Variants in MED10 observed in about 807,000 individuals in gnomAD.
MED10 encodes mediator of RNA polymerase II transcription subunit 10.
In MED10, 9 loss-of-function variants were observed where a neutral mutation model predicts 17.2. The observed-to-expected ratio is 0.52, with a 90% confidence interval of 0.31 to 0.91. MED10 has a LOEUF of 0.91. MED10 is among the 40% of genes least tolerant of loss of function. The pLI is 0.04. For missense variants in MED10, 129 were observed against 164.8 expected (o/e 0.78, Z 1.19); for synonymous variants, 66 against 59.8 (o/e 1.10, Z -0.48).
At chr5:6,377,105 G>T in intron 2 of MED10, 61 bp downstream of exon 2, 2 of 1,171,944 alleles carry the variant, frequency 1.7e-6, no homozygotes, top group South Asian at 1.5e-5. Flanking sequence ...AAGAAGTCAC[G>T]ATACCACACC....
At chr5:6,374,856 C>T (rs1223452751) in intron 2 of MED10, 1 of 165,752 alleles carries the variant, frequency 6.0e-6, no homozygotes, top group Admixed American at 5.8e-5. Context: ...CGGATCCTTC[C>T]ACGATGCAGC....
At chr5:6,377,019 ATT>A in intron 2 of MED10, 145 bp downstream of exon 2, 3 of 432,460 alleles carry the variant, frequency 6.9e-6, no homozygotes, top group South Asian at 7.7e-5. Flanking sequence ...ATTTTTGTCT[ATT>A]TTTTTTTCCA....
intron 2 of MED10, 31 bp from the exon 3 acceptor site, chr5:6,374,457 C>T: frequency 7.0e-7 from 1 of 1,437,154 alleles, no homozygotes; most frequent in Non-Finnish European, 9.8e-7. Context: ...AATTAGCATT[C>T]TCATGACTGA....
At chr5:6,377,309 C>T (rs1738015559) in intron 1 of MED10, 60 bp from the exon 2 acceptor site, 1 of 1,286,844 alleles carries the variant, frequency 7.8e-7, no homozygotes, top group South Asian at 1.3e-5. Flanking sequence ...ATAAGCACCA[C>T]CCACAGAGCT....
intron 1 of MED10, 85 bp from the exon 2 acceptor site, chr5:6,377,334 G>A (rs1738016315): frequency 3.2e-6 from 3 of 939,710 alleles, no homozygotes; most frequent in Non-Finnish European, 4.9e-6. Flanking sequence ...AGCCAACCGG[G>A]GCTCCACGCA....
chr5:6,374,529 A>C (rs772589734), intron 2 of MED10, 103 bp from the exon 3 acceptor site: 13 of 810,642 alleles, frequency 1.6e-5, no homozygotes, highest in Middle Eastern at 3.2e-4. Flanking sequence ...ATATAACTGC[A>C]CACGGCCTTG....
In MED10 at chr5:6,372,395, T is replaced by C; in HGVS notation, c.*108A>G. 1.1e-6 allele frequency: 1 copy of C among 892,982 alleles called. No homozygotes were observed. Among genetic ancestry groups the C allele is most frequent in the East Asian group, 2.4e-5 (1 of 41,078 alleles). 55.3% of individuals were successfully genotyped at this position (892,982 alleles called of 1,614,324 possible). On this transcript the variant is annotated 3_prime_UTR_variant, in exon 4 of 4. Coordinates refer to ENST00000255764, the MANE Select transcript of MED10 (RefSeq NM_032286.3). ...GAGGACAGAGGGGCTGAGGGGTGTG[T>C]CCAGGGCCCAGTCCCACCTCAGCAG...
chr5:6,372,678 G>T, intron 3 of MED10, 77 bp from the exon 4 acceptor site: 2 of 1,212,318 alleles, frequency 1.6e-6, no homozygotes, highest in African/African-American at 1.5e-5. Context: ...CCTTTTGGAA[G>T]TTTAAACACA....
At position 6,374,955 on chromosome 5, in the gene MED10, C is replaced by G. The variant is rs573463036; in HGVS notation, c.207-529G>C. The G allele has an allele frequency of 5.2e-5, 8 of 153,474 alleles. 1 individual carries two copies. In the South Asian group the frequency reaches 1.6e-3, roughly 31 times the overall value. The allele number at this position is 153,474 out of a possible 1,614,324, so 9.5% of individuals were successfully genotyped here. A position where few individuals can be genotyped will look rare whatever the true frequency, so the allele number is the denominator to read the frequency against. On this transcript the variant is annotated intron_variant, in intron 2 of 3. Transcript: ENST00000255764. ...GGAAAGGAAAGGAGAACTACAAGCA[C>G]AAGAGCCCCAGCCCTGACGACCCCA...
intron 1 of MED10, 23 bp from the exon 2 acceptor site, chr5:6,377,272 G>A (rs1738014610): frequency 6.3e-7 from 1 of 1,579,046 alleles, no homozygotes; most frequent in Non-Finnish European, 8.7e-7. Flanking sequence ...CAAACACACA[G>A]GCATCTGGTT....
chr5:6,374,096 A>G (rs1737945758), intron 3 of MED10, among the ~76,000 whole-genome samples: 1 of 152,246 alleles, frequency 6.6e-6, no homozygotes, highest in South Asian at 2.1e-4. Flanking sequence ...ACTATCACAA[A>G]AATTACTCTG....
chr5:6,375,585 G>A (rs1053460809), intron 2 of MED10, among the ~76,000 whole-genome samples: 4 of 152,180 alleles, frequency 2.6e-5, no homozygotes, highest in Admixed American at 1.3e-4. Context: ...GCTGACGGTC[G>A]TTTCTTCAAC....
chr5:6,377,627 T>TA (rs1422377656), intron 1 of MED10, among the ~76,000 whole-genome samples: 1 of 152,202 alleles, frequency 6.6e-6, no homozygotes, highest in Admixed American at 6.5e-5. Context: ...AAGAAAGCCA[T>TA]ACTGTCTGGT....
intron 2 of MED10, chr5:6,374,779 G>A (rs1372025103): frequency 5.3e-6 from 1 of 187,424 alleles, no homozygotes; most frequent in East Asian, 1.3e-4. Context: ...AGCTTGTATG[G>A]TAAGGCAACT....
rs1440892043 is a variant in MED10 at position 6,374,382 on chromosome 5, C to T, written c.251G>A (p.Cys84Tyr). 8 of 1,613,944 alleles carry T rather than the reference C, an allele frequency of 5.0e-6. No homozygotes were observed. The Middle Eastern group carries it at 6.6e-4, about 133-fold the overall frequency. ...ATTTTTAGCTAGAGCCCTCTCCAGG[C>T]ACTCTTTGGTGTAGAGCTGGGGATT... ...GRNPQLYTKECLERALAKNEQ... is the reference protein window; with the variant it reads ...GRNPQLYTKEYLERALAKNEQ... Residue 84 changes from cysteine (C) to tyrosine (Y), a missense_variant, in exon 3 of 4, where the codon TGC becomes TAC. Cys to Tyr is a radical substitution (Grantham distance 194). Coordinates refer to ENST00000255764, the MANE Select transcript of MED10 (RefSeq NM_032286.3).
At chr5:6,377,706 G>A (rs1418759033) in intron 1 of MED10, among the ~76,000 whole-genome samples, 2 of 152,194 alleles carry the variant, frequency 1.3e-5, no homozygotes, top group Non-Finnish European at 2.9e-5. Context: ...ACAGCACTAG[G>A]TATGGAACCT....
Position 6,372,340 on chromosome 5 carries a change from C to T in MED10, c.*163G>A. The T allele has an allele frequency of 1.6e-6, 1 of 609,904 alleles. No individual in the cohort carries two copies. 37.8% of individuals were successfully genotyped at this position (609,904 alleles called of 1,614,324 possible). ...CTGGGGCACAGCTCCGCCTCTCCTCCAGCCCCTCGGTCCCATGAGGCCAAA... is the reference window on the plus strand; with the variant it reads ...CTGGGGCACAGCTCCGCCTCTCCTCTAGCCCCTCGGTCCCATGAGGCCAAA... On this transcript the variant is annotated 3_prime_UTR_variant, in exon 4 of 4. Transcript: ENST00000255764.
intron 2 of MED10, among the ~76,000 whole-genome samples, chr5:6,375,325 G>A (rs1049095420): frequency 3.3e-5 from 5 of 152,000 alleles, no homozygotes; most frequent in African/African-American, 4.8e-5. Flanking sequence ...CTCTACTTTC[G>A]AATTTTATAA....
chr5:6,374,601 G>T (rs1377364329), intron 2 of MED10, 175 bp from the exon 3 acceptor site: 2 of 559,316 alleles, frequency 3.6e-6, no homozygotes, highest in Admixed American at 5.9e-5. Context: ...CACAAGTACA[G>T]ATCATCTGAT....
Sources: allele counts gnomAD v4.1 joint callset (sites outside exome capture counted in the v4.1 genomes callset), GRCh38; gene constraint gnomAD v4.1.1; transcripts MANE v1.5; gene names NCBI Gene and HGNC (gene_info 2026-07-23, HGNC 2026-07-21).